Variants in CNBD1 observed in about 807,000 individuals in gnomAD.
CNBD1 encodes the protein cyclic nucleotide binding domain containing 1.
CNBD1 carries 71 observed loss-of-function variants against 54.4 expected under a neutral mutation model. The observed-to-expected ratio is 1.30, with a 90% CI of 1.08 to 1.59. CNBD1 has a LOEUF of 1.59. Ranked by LOEUF, CNBD1 falls within the 40% of genes most tolerant of loss-of-function variation. The pLI is 0.00. For synonymous variants in CNBD1, 182 were observed against 170.7 expected (o/e 1.07, Z -0.51); for missense variants, 659 against 518.0 (o/e 1.27, Z -2.64).
chr8:87,385,436 A>T (rs183302457), downstream of CNBD1, among the ~76,000 whole-genome samples: 7 of 152,112 alleles, frequency 4.6e-5, no homozygotes, highest in Non-Finnish European at 1.0e-4. Context: ...GCGCTTTTCC[A>T]ACAGTCTTAG....
intron 4 of CNBD1, among the ~76,000 whole-genome samples, chr8:86,975,827 T>G (rs1808328864): frequency 6.6e-6 from 1 of 152,016 alleles, no homozygotes; most frequent in South Asian, 2.1e-4. Flanking sequence ...ATGTCTGTCA[T>G]AATTTATATT....
chr8:87,127,034 GT>G (rs1812007347), intron 4 of CNBD1, among the ~76,000 whole-genome samples: 1 of 151,618 alleles, frequency 6.6e-6, no homozygotes, highest in Non-Finnish European at 1.5e-5. Flanking sequence ...CTATTCCCCT[GT>G]CTTTACAACA....
chr8:87,191,034 G>C (rs956741742), intron 4 of CNBD1, among the ~76,000 whole-genome samples: 2 of 151,366 alleles, frequency 1.3e-5, no homozygotes, highest in African/African-American at 4.9e-5. Flanking sequence ...TTATTAAGGA[G>C]AATTAGCTTT....
At chr8:87,103,474 A>T (rs1039628394) in intron 4 of CNBD1, among the ~76,000 whole-genome samples, 2 of 152,200 alleles carry the variant, frequency 1.3e-5, no homozygotes, top group Non-Finnish European at 2.9e-5. Context: ...GGTAATTTAT[A>T]AGGAAAGAGG....
chr8:87,337,880 A>T (rs1193284349), intron 8 of CNBD1, among the ~76,000 whole-genome samples: 1 of 152,116 alleles, frequency 6.6e-6, no homozygotes, highest in African/African-American at 2.4e-5. Flanking sequence ...TTCCAATGGG[A>T]TTCTTTGATT....
intron 4 of CNBD1, among the ~76,000 whole-genome samples, chr8:86,973,336 A>G (rs962523305): frequency 2.0e-5 from 3 of 152,208 alleles, no homozygotes; most frequent in Admixed American, 1.3e-4. Flanking sequence ...ATCTATCTAT[A>G]CATGGAATTT....
chr8:86,983,111 C>T (rs1480158987), intron 4 of CNBD1, among the ~76,000 whole-genome samples: 1 of 152,096 alleles, frequency 6.6e-6, no homozygotes, highest in East Asian at 1.9e-4. Flanking sequence ...TGAATTCTCA[C>T]ATGTTATGAG....
intron 4 of CNBD1, among the ~76,000 whole-genome samples, chr8:87,134,365 C>G (rs545672585): frequency 6.6e-6 from 1 of 151,898 alleles, no homozygotes; most frequent in Non-Finnish European, 1.5e-5. Context: ...CGTAAAATGT[C>G]GTTAGCAACA....
intron 6 of CNBD1, among the ~76,000 whole-genome samples, chr8:87,266,823 G>A (rs1180021073): frequency 6.6e-6 from 1 of 151,976 alleles, no homozygotes; most frequent in African/African-American, 2.4e-5. Context: ...TTGGGTAAGG[G>A]CAGTTGGTTA....
At chr8:87,309,448 G>C (rs1809220402) in intron 8 of CNBD1, among the ~76,000 whole-genome samples, 1 of 152,002 alleles carries the variant, frequency 6.6e-6, no homozygotes, top group Non-Finnish European at 1.5e-5. Flanking sequence ...ATTTCTCAGA[G>C]GCAGTAATGT....
chr8:87,264,747 T>A (rs1808213238), intron 6 of CNBD1, among the ~76,000 whole-genome samples: 1 of 152,142 alleles, frequency 6.6e-6, no homozygotes, highest in Non-Finnish European at 1.5e-5. Context: ...CTCTGATGAC[T>A]AGTGATGATG....
chr8:87,255,143 C>G (rs1042912083), intron 6 of CNBD1, among the ~76,000 whole-genome samples: 1 of 151,980 alleles, frequency 6.6e-6, no homozygotes, highest in Non-Finnish European at 1.5e-5. Context: ...ACTTAAGACC[C>G]TTTGCATTTC....
intron 4 of CNBD1, among the ~76,000 whole-genome samples, chr8:87,111,996 C>T (rs1455061520): frequency 2.6e-5 from 4 of 152,164 alleles, no homozygotes; most frequent in African/African-American, 4.8e-5. Flanking sequence ...TTGGTACCTC[C>T]GTCACCAAGA....
At chr8:86,932,689 C>T (rs1268574568) in intron 3 of CNBD1, among the ~76,000 whole-genome samples, 1 of 150,872 alleles carries the variant, frequency 6.6e-6, no homozygotes, top group Non-Finnish European at 1.5e-5. Flanking sequence ...GGGGCCAGGC[C>T]ATAGTGCAGA....
chr8:87,363,361 C>G (rs1810563827), intron 10 of CNBD1, among the ~76,000 whole-genome samples: 1 of 151,958 alleles, frequency 6.6e-6, no homozygotes. Context: ...GGGTACATAC[C>G]CAGTAATGGG....
chr8:87,368,002 A>G (rs1453122525), intron 10 of CNBD1, among the ~76,000 whole-genome samples: 1 of 152,008 alleles, frequency 6.6e-6, no homozygotes, highest in East Asian at 1.9e-4. Flanking sequence ...TCTTTCCTAA[A>G]AAGACAAAAA....
intron 6 of CNBD1, among the ~76,000 whole-genome samples, chr8:87,269,907 A>G (rs1411046867): frequency 6.6e-6 from 1 of 152,046 alleles, no homozygotes; most frequent in Non-Finnish European, 1.5e-5. Flanking sequence ...TCCTGATTGT[A>G]TGAAGCCAGC....
rs1807599490 is a variant in CNBD1, at chr8:87,237,088, G to T, written c.747G>T (p.Met249Ile). Residue 249 changes from methionine (M) to isoleucine (I), a missense_variant, in exon 6 of 11, where the codon ATG becomes ATT. By Grantham distance (10) the Met-to-Ile change is conservative. Coordinates refer to ENST00000518476, the MANE Select transcript of CNBD1 (RefSeq NM_173538.3). ...EEFKNSTLAE[M>I]YLPSYDSMLS... Reference sequence around the variant, plus strand: ...TCAAAAACTCTACACTTGCTGAGATGTACCTACCTTCATATGACTCAATGG... The same window carrying T: ...TCAAAAACTCTACACTTGCTGAGATTTACCTACCTTCATATGACTCAATGG... The T allele has an allele frequency of 6.2e-7, 1 of 1,610,090 alleles. No individual in the cohort carries two copies. Among genetic ancestry groups the T allele is most frequent in the Non-Finnish European group, 8.5e-7 (1 of 1,177,512 alleles).
intron 10 of CNBD1, among the ~76,000 whole-genome samples, chr8:87,371,880 C>T (rs1036144844): frequency 3.3e-5 from 5 of 151,908 alleles, no homozygotes; most frequent in Non-Finnish European, 7.4e-5. Context: ...CAGCCAATAT[C>T]ATACTGAATG....
Sources: allele counts gnomAD v4.1 joint callset (sites outside exome capture counted in the v4.1 genomes callset), GRCh38; gene constraint gnomAD v4.1.1; transcripts MANE v1.5; gene names NCBI Gene and HGNC (gene_info 2026-07-23, HGNC 2026-07-21).